THOC7: variants seen among roughly 807,000 people sequenced by gnomAD.
The protein encoded by THOC7 is THO complex subunit 7.
Under a neutral mutation model 33.1 loss-of-function variants are expected in THOC7, and 22 were observed. The observed-to-expected ratio is 0.66, with a 90% CI of 0.47 to 0.95. The LOEUF (loss-of-function observed/expected upper bound fraction) is 0.95. THOC7 is among the 40% of genes least tolerant of loss of function. The pLI is 0.00. For synonymous variants in THOC7, 77 were observed against 76.8 expected (o/e 1.00, Z -0.01); for missense variants, 184 against 245.3 (o/e 0.75, Z 1.67).
chr3:63,846,849 C>T (rs1027620920), intron 1 of THOC7, among the ~76,000 whole-genome samples: 1 of 152,102 alleles, frequency 6.6e-6, no homozygotes, highest in Non-Finnish European at 1.5e-5. Flanking sequence ...CAACAAGTCC[C>T]GTCCGATCTA....
intron 1 of THOC7, among the ~76,000 whole-genome samples, chr3:63,849,369 C>T (rs939598158): frequency 1.3e-5 from 2 of 152,086 alleles, no homozygotes; most frequent in Non-Finnish European, 2.9e-5. Flanking sequence ...GCCTGGGTGA[C>T]AGAGTAAGAC....
chr3:63,856,722 GA>G (rs1282020665), intron 1 of THOC7, among the ~76,000 whole-genome samples: 1 of 151,146 alleles, frequency 6.6e-6, no homozygotes, highest in Non-Finnish European at 1.5e-5. Context: ...CAGCATTATA[GA>G]TTTTTTTTTT....
At chr3:63,857,141 C>T (rs1702129916) in intron 1 of THOC7, among the ~76,000 whole-genome samples, 1 of 152,132 alleles carries the variant, frequency 6.6e-6, no homozygotes, top group South Asian at 2.1e-4. Context: ...AGAGAAGATA[C>T]TTTTACCTTT....
chr3:63,863,969 CCGCCGCCG>C (rs1702320061), upstream of THOC7: 2 of 96,274 alleles, frequency 2.1e-5, no homozygotes, highest in Admixed American at 9.1e-5. Context: ...GCCGCCGCCG[CCGCCGCCG>C]CGGGACCCGC....
chr3:63,849,982 AC>A (rs1701987107), intron 1 of THOC7, among the ~76,000 whole-genome samples: 1 of 152,222 alleles, frequency 6.6e-6, no homozygotes, highest in Non-Finnish European at 1.5e-5. Flanking sequence ...CTGATGTCAC[AC>A]CAGAGACAAT....
At chr3:63,835,461 T>C (rs955775983) in intron 5 of THOC7, 71 bp from the exon 6 acceptor site, 10 of 1,372,760 alleles carry the variant, frequency 7.3e-6, no homozygotes, top group Admixed American at 1.8e-5. Context: ...GCCTAACTTT[T>C]AAGTTACTAG....
intron 1 of THOC7, among the ~76,000 whole-genome samples, chr3:63,840,914 C>T (rs1701743157): frequency 6.6e-6 from 1 of 152,142 alleles, no homozygotes; most frequent in Non-Finnish European, 1.5e-5. Context: ...CCATTCTGAC[C>T]CCATAATTCC....
At chr3:63,850,226 G>A (rs1701991601) in intron 1 of THOC7, among the ~76,000 whole-genome samples, 1 of 152,030 alleles carries the variant, frequency 6.6e-6, no homozygotes, top group African/African-American at 2.4e-5. Context: ...TAGAGATGGA[G>A]TTTCACTCCC....
intron 1 of THOC7, among the ~76,000 whole-genome samples, chr3:63,840,464 C>G (rs949862452): frequency 6.6e-6 from 1 of 152,018 alleles, no homozygotes; most frequent in East Asian, 1.9e-4. Flanking sequence ...GTGGCATGTG[C>G]CTGTTAGTCC....
chr3:63,847,864 G>C (rs1401021551), intron 1 of THOC7, among the ~76,000 whole-genome samples: 2 of 152,188 alleles, frequency 1.3e-5, no homozygotes, highest in Non-Finnish European at 2.9e-5. Flanking sequence ...CCAATTGAAT[G>C]GACACCCATT....
At chr3:63,848,049 A>G (rs936727182) in intron 1 of THOC7, among the ~76,000 whole-genome samples, 1 of 152,180 alleles carries the variant, frequency 6.6e-6, no homozygotes, top group Non-Finnish European at 1.5e-5. Context: ...CTTTGTACCA[A>G]TAAGATACAT....
At chr3:63,856,550 A>T (rs1702119483) in intron 1 of THOC7, among the ~76,000 whole-genome samples, 1 of 152,104 alleles carries the variant, frequency 6.6e-6, no homozygotes, top group African/African-American at 2.4e-5. Context: ...AAAAAATTTT[A>T]TGGGTACACA....
chr3:63,839,249 C>A (rs544126746), intron 2 of THOC7, among the ~76,000 whole-genome samples: 2 of 152,106 alleles, frequency 1.3e-5, no homozygotes, highest in African/African-American at 4.8e-5. Context: ...CAAAAGTAAT[C>A]GTGGTTTCTG....
chr3:63,839,828 A>G, intron 1 of THOC7, 55 bp from the exon 2 acceptor site: 1 of 1,394,402 alleles, frequency 7.2e-7, no homozygotes, highest in Admixed American at 1.7e-5. Context: ...TTCAAGTACA[A>G]ATAACCAGTA....
rs1444436565 is a variant in THOC7, at chr3:63,837,875, G to T, written c.352+101C>A. On this transcript the variant is annotated intron_variant, in intron 4 of 7. Transcript: ENST00000295899. Reference sequence around the variant, plus strand: ...AAAATTTGGATTTTTTTTAATCCAGGTTGATTCAGGCTGCAGATTTTACCT... The same window carrying T: ...AAAATTTGGATTTTTTTTAATCCAGTTTGATTCAGGCTGCAGATTTTACCT... The T allele has an allele frequency of 1.6e-5, 16 of 996,472 alleles. No individual in the cohort carries two copies. The Middle Eastern group carries it at 1.3e-3, about 81-fold the overall frequency. 61.7% of individuals were successfully genotyped at this position (996,472 alleles called of 1,614,324 possible). A position where few individuals can be genotyped will look rare whatever the true frequency, so the allele number is the denominator to read the frequency against.
intron 1 of THOC7, among the ~76,000 whole-genome samples, chr3:63,862,990 C>T (rs1024121648): frequency 1.3e-5 from 2 of 152,074 alleles, no homozygotes; most frequent in African/African-American, 4.8e-5. Context: ...CACACACATA[C>T]ATCTTTTATC....
At chr3:63,849,525 T>G (rs1701979626) in intron 1 of THOC7, among the ~76,000 whole-genome samples, 1 of 152,176 alleles carries the variant, frequency 6.6e-6, no homozygotes, top group Admixed American at 6.5e-5. Context: ...TCATTTGGCT[T>G]CCTAACATTG....
chr3:63,863,761 C>T lies in THOC7; in HGVS notation c.19+11G>A. 1 of 1,249,844 alleles carries T rather than the reference C, an allele frequency of 8.0e-7. No individual in the cohort carries two copies. Among genetic ancestry groups the T allele is most frequent in the Non-Finnish European group, 1.0e-6 (1 of 1,003,840 alleles). 77.4% of individuals were successfully genotyped at this position (1,249,844 alleles called of 1,614,324 possible). The stretch of plus-strand genomic sequence containing the variant: ...TGCAGCGGGCGCGTGTGGCGGCGAG[C>T]GGGGCCTCACCGTCAGTCACGGCTC... On this transcript the variant is annotated intron_variant, in intron 1 of 7. Transcript: ENST00000295899.
At position 63,835,387 on chromosome 3, in the gene THOC7, T is replaced by A; in HGVS notation, c.414A>T (p.Glu138Asp). 2 of 1,613,218 alleles carry A rather than the reference T, an allele frequency of 1.2e-6. No homozygotes were observed. The highest frequency in any genetic ancestry group is 1.7e-6 in the Non-Finnish European group (2 of 1,179,642). ...HHPDRHETLK[E>D]LEALGKELEH... Reference sequence around the variant, plus strand: ...CTAATTCTTTTCCCAGAGCCTCTAGTTCCCTGGAAATAATAAAACAGTGTT... The same window carrying A: ...CTAATTCTTTTCCCAGAGCCTCTAGATCCCTGGAAATAATAAAACAGTGTT... Residue 138 changes from glutamate (E) to aspartate (D), a missense_variant, in exon 6 of 8, where the codon GAA becomes GAT. Physicochemically the swap from Glu to Asp is conservative, Grantham distance 45 (BLOSUM62 2). Around this residue, in one of 3 missense-constraint regions of THOC7, gnomAD observed 157 missense variants for 201.3 expected, o/e 0.78. Coordinates refer to ENST00000295899, the MANE Select transcript of THOC7 (RefSeq NM_025075.4).
Sources: allele counts gnomAD v4.1 joint callset (sites outside exome capture counted in the v4.1 genomes callset), GRCh38; gene constraint gnomAD v4.1.1; regional missense constraint gnomAD v4.1.1; transcripts MANE v1.5; gene names NCBI Gene and HGNC (gene_info 2026-07-23, HGNC 2026-07-21).